The following EYS variants were observed in gnomAD, a reference collection of about 807,000 sequenced individuals.
EYS encodes the protein EGF-like photoreceptor maintenance factor.
Under a neutral mutation model 282.1 loss-of-function variants are expected in EYS, and 250 were observed. That is an observed-to-expected ratio of 0.89 (90% CI 0.80 to 0.98). EYS has a LOEUF of 0.98. EYS is among the 50% of genes least tolerant of loss of function. The pLI is 0.00. For missense variants in EYS, 4,016 were observed against 3,709.0 expected (o/e 1.08, Z -2.15); for synonymous variants, 1,355 against 1,282.9 (o/e 1.06, Z -1.20).
At chr6:64,614,157 C>A (rs1025961416) in intron 24 of EYS, among the ~76,000 whole-genome samples, 1 of 152,210 alleles carries the variant, frequency 6.6e-6, no homozygotes, top group African/African-American at 2.4e-5. Context: ...ACTGAAAGAA[C>A]TCCACACCTC....
chr6:65,501,138 G>T (rs1766437916), intron 2 of EYS, among the ~76,000 whole-genome samples: 1 of 151,800 alleles, frequency 6.6e-6, no homozygotes, highest in South Asian at 2.1e-4. Flanking sequence ...TTTGTCTTCT[G>T]TGAAGTGAAA....
intron 1 of EYS, among the ~76,000 whole-genome samples, chr6:65,673,024 C>T (rs1438115995): frequency 1.3e-5 from 2 of 152,014 alleles, no homozygotes; most frequent in African/African-American, 4.8e-5. Flanking sequence ...AAGGTAATGT[C>T]ATCAGTTAAG....
At chr6:64,478,232 AT>A (rs1776332033) in intron 26 of EYS, among the ~76,000 whole-genome samples, 1 of 149,494 alleles carries the variant, frequency 6.7e-6, no homozygotes, top group African/African-American at 2.6e-5. Context: ...TTTTATTAAT[AT>A]ATTATGTTTT....
chr6:64,148,163 ATAGTC>A (rs1412519326), intron 31 of EYS, among the ~76,000 whole-genome samples: 1 of 152,214 alleles, frequency 6.6e-6, no homozygotes, highest in African/African-American at 2.4e-5. Flanking sequence ...AAATCATCTT[ATAGTC>A]TAAACACAGT....
intron 22 of EYS, among the ~76,000 whole-genome samples, chr6:64,793,033 G>A (rs1384282309): frequency 6.6e-6 from 1 of 151,996 alleles, no homozygotes; most frequent in Non-Finnish European, 1.5e-5. Flanking sequence ...ATGTATGAAA[G>A]TCATTTAGCT....
At chr6:65,601,870 T>A (rs896213511) in intron 2 of EYS, among the ~76,000 whole-genome samples, 2 of 151,974 alleles carry the variant, frequency 1.3e-5, no homozygotes, top group African/African-American at 2.4e-5. Flanking sequence ...TCAAAACATA[T>A]AATTAGTTTC....
chr6:64,585,274 C>T (rs1035237274), intron 26 of EYS, among the ~76,000 whole-genome samples: 1 of 151,952 alleles, frequency 6.6e-6, no homozygotes, highest in Non-Finnish European at 1.5e-5. Context: ...CAGTGAGTAC[C>T]TATGGACATA....
chr6:65,295,754 C>A (rs2150286094), intron 12 of EYS, 109 bp downstream of exon 12: 3 of 965,624 alleles, frequency 3.1e-6, no homozygotes, highest in Admixed American at 2.9e-5. Context: ...AATGAGACAA[C>A]AATACCAATC....
Position 65,057,668 on chromosome 6 carries a change from T to C in EYS, c.2083A>G (p.Thr695Ala). 6 of 1,551,278 alleles carry C rather than the reference T, an allele frequency of 3.9e-6. No homozygotes were observed. In the South Asian group the frequency reaches 7.1e-5, roughly 18 times the overall value. Residue 695 changes from threonine to alanine, a missense_variant, in exon 13 of 43, where the codon ACC becomes GCC. Transcript: ENST00000503581. Reference protein sequence around the residue: ...CASHPCKNGATCIDQPGNYFC... With the variant: ...CASHPCKNGAACIDQPGNYFC... ...TAATTACCAGGTTGGTCAATGCAGG[T>C]GGCTCCATTTTTGCAGGGATGTGAA... is the stretch of plus-strand genomic sequence containing the variant.
chr6:64,925,720 A>C (rs969073743), intron 15 of EYS, among the ~76,000 whole-genome samples: 3 of 152,122 alleles, frequency 2.0e-5, no homozygotes, highest in Non-Finnish European at 4.4e-5. Context: ...CCAAAGGTGT[A>C]ATCTAAATGA....
At chr6:64,610,373 C>T (rs978216877) in intron 24 of EYS, among the ~76,000 whole-genome samples, 3 of 151,480 alleles carry the variant, frequency 2.0e-5, no homozygotes, top group African/African-American at 7.3e-5. Context: ...TTACCATACT[C>T]CATTTACCAA....
chr6:65,542,608 T>C (rs894800659), intron 2 of EYS, among the ~76,000 whole-genome samples: 1 of 152,032 alleles, frequency 6.6e-6, no homozygotes, highest in Non-Finnish European at 1.5e-5. Context: ...CTCGGTCATA[T>C]TCCAAATTCC....
intron 22 of EYS, among the ~76,000 whole-genome samples, chr6:64,707,402 G>T (rs1051010907): frequency 6.6e-6 from 1 of 152,076 alleles, no homozygotes; most frequent in East Asian, 1.9e-4. Context: ...AGGCATGGTG[G>T]CTCACGCCTG....
chr6:65,669,872 T>C (rs556116537), intron 1 of EYS, among the ~76,000 whole-genome samples: 17 of 152,138 alleles, frequency 1.1e-4, no homozygotes, highest in Admixed American at 7.2e-4. Context: ...ACTCTCCATC[T>C]CTTAGTTTTT....
chr6:64,964,268 T>A (rs1191034493), intron 14 of EYS, among the ~76,000 whole-genome samples: 1 of 152,150 alleles, frequency 6.6e-6, no homozygotes, highest in African/African-American at 2.4e-5. Context: ...AATTTGGAAA[T>A]AATCACTTTT....
rs138140618 is a variant in EYS, at chr6:65,016,234, A to T, written c.2138-18531T>A. Reference sequence around the variant, plus strand: ...AAAAGTATATATATATTTTTCCTCTAATTGAAATTTGCATCAAACTAGTAC... The same window carrying T: ...AAAAGTATATATATATTTTTCCTCTTATTGAAATTTGCATCAAACTAGTAC... On this transcript the variant is annotated intron_variant, in intron 13 of 42. Coordinates refer to ENST00000503581, the MANE Select transcript of EYS (RefSeq NM_001142800.2). 7.2e-4 allele frequency among the ~76,000 whole-genome samples: 110 copies of T among 152,060 alleles called. 1 individual carries two copies. In the East Asian group the frequency reaches 0.015, roughly 21 times the overall value.
chr6:65,263,006 T>C (rs1767658553), intron 12 of EYS, among the ~76,000 whole-genome samples: 1 of 152,146 alleles, frequency 6.6e-6, no homozygotes, highest in East Asian at 1.9e-4. Context: ...TCAAAACATA[T>C]AAAAAGGAGA....
intron 1 of EYS, among the ~76,000 whole-genome samples, chr6:65,646,514 G>A (rs892773494): frequency 2.0e-5 from 3 of 152,006 alleles, no homozygotes; most frequent in Non-Finnish European, 4.4e-5. Flanking sequence ...GGAATAGAAG[G>A]GACATACCTT....
At chr6:65,290,943 A>T (rs1768508268) in intron 12 of EYS, among the ~76,000 whole-genome samples, 1 of 151,454 alleles carries the variant, frequency 6.6e-6, no homozygotes, top group Admixed American at 6.6e-5. Context: ...GAAGAAAAAA[A>T]ATGGGTGTTT....
Sources: gnomAD v4.1 joint callset for allele counts (sites outside exome capture counted in the v4.1 genomes callset) on GRCh38, gnomAD v4.1.1 for gene constraint, MANE v1.5 for transcripts, NCBI Gene and HGNC (gene_info 2026-07-23, HGNC 2026-07-21) for gene names.